MTMR7: variants seen among roughly 807,000 people sequenced by gnomAD.
The protein encoded by MTMR7 is myotubularin related protein 7, also known as phosphatidylinositol-3-phosphate phosphatase MTMR7.
Under a neutral mutation model 81.2 loss-of-function variants are expected in MTMR7, and 76 were observed. The ratio of observed to expected loss-of-function variants is 0.94; its 90% confidence interval spans 0.78 to 1.13. The LOEUF is 1.13. MTMR7 is among the 50% of genes most tolerant of loss of function. The probability of loss-of-function intolerance (pLI) is 0.00; values close to 1 mark genes in which losing one functional copy is unlikely to be tolerated. For synonymous variants in MTMR7, 372 were observed against 289.8 expected, an observed-to-expected ratio of 1.28 and a Z score of -2.88; for missense variants, 1,044 against 820.0, an observed-to-expected ratio of 1.27 and a Z score of -3.34.
At chr8:17,339,725 T>C (rs1245693478) in intron 6 of MTMR7, among the ~76,000 whole-genome samples, 1 of 152,262 alleles carries the variant, frequency 6.6e-6, no homozygotes, top group Non-Finnish European at 1.5e-5. Flanking sequence ...CAAGTTTTTA[T>C]GTGGACATAA....
chr8:17,316,695 A>G (rs1818096248), intron 7 of MTMR7, among the ~76,000 whole-genome samples: 1 of 152,216 alleles, frequency 6.6e-6, no homozygotes, highest in Non-Finnish European at 1.5e-5. Context: ...GTAATAGAAA[A>G]CCAATCCAGT....
chr8:17,402,213 C>T (rs1044493793), intron 1 of MTMR7, among the ~76,000 whole-genome samples: 3 of 152,044 alleles, frequency 2.0e-5, no homozygotes, highest in Non-Finnish European at 2.9e-5. Context: ...GTATCTAGCT[C>T]CTGAAACGTT....
chr8:17,357,607 G>A (rs928890890), intron 4 of MTMR7, among the ~76,000 whole-genome samples: 2 of 152,148 alleles, frequency 1.3e-5, no homozygotes, highest in Non-Finnish European at 2.9e-5. Flanking sequence ...TGTTATTTGA[G>A]AATATCCTGT....
At position 17,325,139 on chromosome 8, in the gene MTMR7, T is replaced by C. The variant is rs543750741; in HGVS notation, c.865+6011A>G. On this transcript the variant is annotated intron_variant, in intron 7 of 13. Coordinates refer to ENST00000180173, the MANE Select transcript of MTMR7 (RefSeq NM_004686.5). Reference sequence around the variant, plus strand: ...GACATCGGAACCGACAGCCACAGCCTCTCCTCTCCAAGCAGAGAGAACTAT... The same window carrying C: ...GACATCGGAACCGACAGCCACAGCCCCTCCTCTCCAAGCAGAGAGAACTAT... 1.9e-4 allele frequency among the ~76,000 whole-genome samples: 29 copies of C among 151,826 alleles called. No homozygotes were observed. In the South Asian group the frequency reaches 5.4e-3, roughly 28 times the overall value.
chr8:17,334,314 G>A (rs566451249), intron 6 of MTMR7, among the ~76,000 whole-genome samples: 1 of 152,144 alleles, frequency 6.6e-6, no homozygotes, highest in African/African-American at 2.4e-5. Flanking sequence ...GTATGTGTGC[G>A]CAGTAAGATA....
At chr8:17,354,553 G>T in intron 4 of MTMR7, among the ~76,000 whole-genome samples, 1 of 152,158 alleles carries the variant, frequency 6.6e-6, no homozygotes, top group Non-Finnish European at 1.5e-5. Context: ...GCCTGCCCAA[G>T]GCCAAAGAAA....
At chr8:17,389,339 G>A (rs1821037526) in intron 1 of MTMR7, among the ~76,000 whole-genome samples, 1 of 152,168 alleles carries the variant, frequency 6.6e-6, no homozygotes, top group South Asian at 2.1e-4. Context: ...GGGAACCCAA[G>A]TTATTTTATT....
chr8:17,376,575 C>T (rs10435697), intron 1 of MTMR7, among the ~76,000 whole-genome samples: 21,947 of 152,104 alleles, frequency 0.14, 1,904 homozygotes, highest in East Asian at 0.39. Context: ...AGGGTTCCAA[C>T]TTCTCCACAT....
chr8:17,332,581 A>T (rs11987652), intron 6 of MTMR7, among the ~76,000 whole-genome samples: 3,926 of 152,302 alleles, frequency 0.026, 169 homozygotes, highest in African/African-American at 0.089. Context: ...GCCGTAAGTG[A>T]AAAGTGCATG....
At chr8:17,409,948 T>C (rs892122259) in intron 1 of MTMR7, among the ~76,000 whole-genome samples, 2 of 152,130 alleles carry the variant, frequency 1.3e-5, no homozygotes, top group African/African-American at 4.8e-5. Flanking sequence ...AAGATGATTG[T>C]CACAAAACGA....
intron 4 of MTMR7, 117 bp downstream of exon 4, chr8:17,361,000 C>T: frequency 1.7e-6 from 2 of 1,153,394 alleles, no homozygotes; most frequent in Non-Finnish European, 2.5e-6. Flanking sequence ...CCTGGAAATC[C>T]ACATATGGAT....
chr8:17,317,769 G>A (rs1320820230), intron 7 of MTMR7, among the ~76,000 whole-genome samples: 1 of 152,004 alleles, frequency 6.6e-6, no homozygotes, highest in African/African-American at 2.4e-5. Flanking sequence ...CTTACTTTGG[G>A]GTTTCTCATA....
intron 4 of MTMR7, among the ~76,000 whole-genome samples, chr8:17,357,175 T>A (rs891102299): frequency 2.6e-5 from 4 of 152,234 alleles, no homozygotes; most frequent in Non-Finnish European, 4.4e-5. Context: ...GCTATCAGTA[T>A]CAACAGTTAC....
At chr8:17,411,906 G>A (rs1212931364) in intron 1 of MTMR7, among the ~76,000 whole-genome samples, 2 of 152,160 alleles carry the variant, frequency 1.3e-5, no homozygotes, top group African/African-American at 4.8e-5. Flanking sequence ...TTTACAAACG[G>A]CTCCCTTCAT....
chr8:17,363,945 TTTG>T (rs1820136370), intron 3 of MTMR7, among the ~76,000 whole-genome samples: 1 of 151,014 alleles, frequency 6.6e-6, no homozygotes, highest in South Asian at 2.1e-4. Flanking sequence ...CTTTTTTTTT[TTTG>T]CTTACAGACT....
intron 1 of MTMR7, among the ~76,000 whole-genome samples, chr8:17,409,435 G>C (rs185770179): frequency 1.2e-3 from 188 of 152,264 alleles, no homozygotes; most frequent in African/African-American, 4.3e-3. Context: ...GTGCACTCCA[G>C]CCTGGGCCAC....
intron 5 of MTMR7, among the ~76,000 whole-genome samples, chr8:17,347,919 G>C (rs1047383309): frequency 3.3e-5 from 5 of 152,154 alleles, no homozygotes; most frequent in African/African-American, 1.2e-4. Flanking sequence ...TGCAGTGTGT[G>C]GGTGGTGACT....
chr8:17,389,794 A>G (rs1056033043), intron 1 of MTMR7, among the ~76,000 whole-genome samples: 3 of 152,332 alleles, frequency 2.0e-5, no homozygotes, highest in Admixed American at 2.0e-4. Context: ...CAAATGTGAA[A>G]AGTAGGGCCA....
chr8:17,300,777 A>G (rs1219319375), intron 13 of MTMR7, among the ~76,000 whole-genome samples: 1 of 152,114 alleles, frequency 6.6e-6, no homozygotes, highest in Non-Finnish European at 1.5e-5. Flanking sequence ...TCCCATTCCT[A>G]TCTCCCCACA....
Sources: gnomAD v4.1 joint callset for allele counts (sites outside exome capture counted in the v4.1 genomes callset) on GRCh38, gnomAD v4.1.1 for gene constraint, MANE v1.5 for transcripts, NCBI Gene and HGNC (gene_info 2026-07-23, HGNC 2026-07-21) for gene names.